The following FAM174B variants were observed in gnomAD, a reference collection of about 807,000 sequenced individuals.
FAM174B encodes membrane protein FAM174B.
A neutral mutation model predicts 10.9 loss-of-function variants in FAM174B; 12 were observed. That is an observed-to-expected ratio of 1.10 (90% CI 0.71 to 1.79). The LOEUF (loss-of-function observed/expected upper bound fraction) is 1.79. Among genes scored for constraint, FAM174B ranks in the 40% most tolerant of loss-of-function variants. FAM174B has a pLI of 0.00. For synonymous variants in FAM174B, 132 were observed against 115.8 expected, an observed-to-expected ratio of 1.14 and a Z score of -0.90; for missense variants, 266 against 233.3, an observed-to-expected ratio of 1.14 and a Z score of -0.91.
intron 2 of FAM174B, among the ~76,000 whole-genome samples, chr15:92,628,015 C>T (rs1337484269): frequency 6.6e-6 from 1 of 152,154 alleles, no homozygotes; most frequent in African/African-American, 2.4e-5. Context: ...TTATATCAAA[C>T]GGTGTAGTAT....
Position 92,631,232 on chromosome 15 carries a change from ATAT to A in FAM174B, c.345-890_345-888del, listed in dbSNP as rs2050801552. 5.0e-3 allele frequency among the ~76,000 whole-genome samples: 20 copies of A among 4,016 alleles called. 7 individuals carry two copies. Among genetic ancestry groups the A allele is most frequent in the Non-Finnish European group, 0.019 (18 of 924 alleles). 2.6% of individuals were successfully genotyped at this position (4,016 alleles called of 152,430 possible). On this transcript the variant is annotated intron_variant, in intron 1 of 2. Transcript: ENST00000327355. ...TATTATATATTATATTATATATAAT[ATAT>A]TATATATTATATTATATATAATATA...
chr15:92,640,797 AC>A (rs2050886585), intron 1 of FAM174B, among the ~76,000 whole-genome samples: 1 of 151,876 alleles, frequency 6.6e-6, no homozygotes, highest in Non-Finnish European at 1.5e-5. Context: ...GGCACACACC[AC>A]CACACTCAGC....
intron 1 of FAM174B, among the ~76,000 whole-genome samples, chr15:92,648,903 T>C (rs1483966018): frequency 1.3e-5 from 2 of 152,242 alleles, no homozygotes; most frequent in African/African-American, 2.4e-5. Context: ...AATAATAACA[T>C]GATCCTAAAT....
chr15:92,645,836 G>C (rs2050923181), intron 1 of FAM174B, among the ~76,000 whole-genome samples: 2 of 152,110 alleles, frequency 1.3e-5, no homozygotes, highest in African/African-American at 4.8e-5. Flanking sequence ...CTGCCACCCA[G>C]GTAGGGGAGG....
rs138036153 is a variant in FAM174B at position 92,623,682 on chromosome 15, G to A, written c.477-4223C>T. ...TGGCAGCTGACGTCTCAGTGCAGCC[G>A]GCAAGGACACTCTGGGAAGAGGACG... On this transcript the variant is annotated intron_variant, in intron 2 of 2. Transcript: ENST00000327355. 2.6e-3 allele frequency among the ~76,000 whole-genome samples: 391 copies of A among 152,300 alleles called. 2 individuals carry two copies. The highest frequency in any genetic ancestry group is 8.7e-3 in the African/African-American group (361 of 41,556).
intron 2 of FAM174B, among the ~76,000 whole-genome samples, chr15:92,625,010 C>T (rs1404657590): frequency 6.6e-6 from 1 of 152,258 alleles, no homozygotes; most frequent in Non-Finnish European, 1.5e-5. Context: ...GCTCAAAACA[C>T]ATGCAGCCGA....
Position 92,641,740 on chromosome 15 carries a change from G to A in FAM174B, c.345-11395C>T, listed in dbSNP as rs553836767. On this transcript the variant is annotated intron_variant, in intron 1 of 2. Transcript: ENST00000327355. ...AGAAAAAAATAGCATAAATCTTTGCGACACTAGATTAGACAATGGCTTATT... is the reference window on the plus strand; with the variant it reads ...AGAAAAAAATAGCATAAATCTTTGCAACACTAGATTAGACAATGGCTTATT... Among the ~76,000 whole-genome samples, 9 of 152,040 alleles carry A rather than the reference G, an allele frequency of 5.9e-5. No homozygotes were observed. The South Asian group carries it at 6.2e-4, about 11-fold the overall frequency.
At chr15:92,648,107 A>C (rs547905304) in intron 1 of FAM174B, among the ~76,000 whole-genome samples, 6 of 152,294 alleles carry the variant, frequency 3.9e-5, no homozygotes, top group African/African-American at 1.2e-4. Flanking sequence ...TCTGGGCTGA[A>C]CCAAAGTAAA....
chr15:92,629,906 C>T (rs572921677), intron 2 of FAM174B, among the ~76,000 whole-genome samples: 81 of 152,268 alleles, frequency 5.3e-4, no homozygotes, highest in African/African-American at 1.7e-3. Context: ...CTCTTGCCTG[C>T]CATCATCCAC....
Position 92,630,951 on chromosome 15 carries a change from A to G in FAM174B, c.345-606T>C, listed in dbSNP as rs868022219. Among the ~76,000 whole-genome samples, 34 of 11,222 alleles carry G rather than the reference A, an allele frequency of 3.0e-3. 2 individuals carry two copies. Among genetic ancestry groups the G allele is most frequent in the Admixed American group, 0.015 (10 of 656 alleles). 7.4% of individuals were successfully genotyped at this position (11,222 alleles called of 152,430 possible). On this transcript the variant is annotated intron_variant, in intron 1 of 2. Transcript: ENST00000327355. ...TTACATATTACATATTATATATTAT[A>G]TATTACGTATTACATATTACATATT...
In FAM174B at chr15:92,630,254, C is replaced by G; in HGVS notation, c.436G>C (p.Asp146His). ...VEMAPLNEED[D>H]EDEDSTVFDI... Reference sequence around the variant, plus strand: ...AATACTGTGGAGTCCTCATCTTCATCATCCTCTTCATTTAGTGGCGCCATT... The same window carrying G: ...AATACTGTGGAGTCCTCATCTTCATGATCCTCTTCATTTAGTGGCGCCATT... Residue 146 changes from aspartate to histidine, a missense_variant, in exon 2 of 3, where the codon GAT becomes CAT. By Grantham distance (81) the Asp-to-His change is moderately conservative (BLOSUM62 -1). Transcript: ENST00000327355. 1 of 1,613,274 alleles carries G rather than the reference C, an allele frequency of 6.2e-7. No homozygotes were observed.
intron 1 of FAM174B, among the ~76,000 whole-genome samples, chr15:92,633,478 G>C (rs948888794): frequency 1.3e-5 from 2 of 152,098 alleles, no homozygotes; most frequent in African/African-American, 4.8e-5. Context: ...GGAAGAGGGG[G>C]AACAATCAGC....
chr15:92,645,013 T>C (rs932474116), intron 1 of FAM174B, among the ~76,000 whole-genome samples: 16 of 152,236 alleles, frequency 1.1e-4, no homozygotes, highest in Non-Finnish European at 1.9e-4. Flanking sequence ...GGGCCACATT[T>C]TTCAGCCCCA....
intron 1 of FAM174B, among the ~76,000 whole-genome samples, chr15:92,648,531 C>G (rs28578477): frequency 6.6e-6 from 1 of 152,162 alleles, no homozygotes; most frequent in African/African-American, 2.4e-5. Flanking sequence ...CCAAAAAGGG[C>G]CAAGCTGAGC....
At chr15:92,628,618 C>T (rs553428606) in intron 2 of FAM174B, among the ~76,000 whole-genome samples, 1 of 152,188 alleles carries the variant, frequency 6.6e-6, no homozygotes, top group Non-Finnish European at 1.5e-5. Flanking sequence ...CTGCCCTTTA[C>T]CTAAAATGCA....
intron 1 of FAM174B, among the ~76,000 whole-genome samples, chr15:92,637,328 G>A (rs1380123596): frequency 6.6e-6 from 1 of 152,236 alleles, no homozygotes; most frequent in African/African-American, 2.4e-5. Flanking sequence ...AAGGCAATAT[G>A]GTAGAGGGCA....
intron 1 of FAM174B, among the ~76,000 whole-genome samples, chr15:92,643,376 G>GTGTGTGTGTGTGTGTA (rs1385840476): frequency 1.5e-4 from 23 of 151,514 alleles, no homozygotes; most frequent in Non-Finnish European, 2.6e-4. Context: ...GTGTGTGTGT[G>GTGTGTGTGTGTGTGTA]TATGCATGTA....
At chr15:92,645,644 G>A (rs1319491701) in intron 1 of FAM174B, 2 of 152,322 alleles carry the variant, frequency 1.3e-5, no homozygotes, top group African/African-American at 4.8e-5. Context: ...CCAGGGAAGG[G>A]AAGTGAGGTT....
At chr15:92,621,799 T>C (rs1201490385) in intron 2 of FAM174B, among the ~76,000 whole-genome samples, 1 of 151,748 alleles carries the variant, frequency 6.6e-6, no homozygotes. Flanking sequence ...CAAACCAACA[T>C]CTCGGAGCCC....
Sources: gnomAD v4.1 joint callset for allele counts (sites outside exome capture counted in the v4.1 genomes callset) on GRCh38, gnomAD v4.1.1 for gene constraint, MANE v1.5 for transcripts, NCBI Gene and HGNC (gene_info 2026-07-23, HGNC 2026-07-21) for gene names.